NUTM1: variants seen among roughly 807,000 people sequenced by gnomAD.
NUTM1 encodes NUT family member 1.
In NUTM1, 39 loss-of-function variants were observed where a neutral mutation model predicts 88.7. The observed-to-expected ratio is 0.44, with a 90% confidence interval of 0.34 to 0.57. The LOEUF (loss-of-function observed/expected upper bound fraction) is 0.57, where lower values mean the gene tolerates loss of function less well. NUTM1 is among the 20% of genes least tolerant of loss of function. The probability of loss-of-function intolerance (pLI) is 0.01; values close to 1 mark genes in which losing one functional copy is unlikely to be tolerated. For synonymous variants in NUTM1, 494 were observed against 538.0 expected, an observed-to-expected ratio of 0.92 and a Z score of 1.13; for missense variants, 1,350 against 1,414.5, an observed-to-expected ratio of 0.95 and a Z score of 0.73.
chr15:34,349,407 TAA>T (rs2140154745), intron 3 of NUTM1, among the ~76,000 whole-genome samples: 1 of 152,330 alleles, frequency 6.6e-6, no homozygotes, highest in South Asian at 2.1e-4. Context: ...AATGTTTCAT[TAA>T]ATGTCAACTG....
chr15:34,354,480 G>A lies in NUTM1; in HGVS notation c.1110G>A (p.Arg370=). 6.2e-7 allele frequency: 1 copy of A among 1,614,120 alleles called. No individual in the cohort carries two copies. The change falls in exon 6 of 8, where the codon CGG becomes CGA. Residue 370 remains arginine (R), a synonymous_variant. Coordinates refer to ENST00000537011, the MANE Select transcript of NUTM1 (RefSeq NM_001284292.2). ...CGAAGAAGGCAGCCTCCAAGACACG[G>A]GCCCCCCGCCGGCGTCAGCGTAAAG... The part of the protein sequence containing the change: ...YIPKKAASKT[R]APRRRQRKAQ...
intron 2 of NUTM1, among the ~76,000 whole-genome samples, 169 bp from the exon 3 acceptor site, chr15:34,347,800 C>T (rs932742531): frequency 3.3e-5 from 5 of 151,856 alleles, no homozygotes; most frequent in African/African-American, 1.2e-4. Context: ...TTGCAGTGAG[C>T]CGAGATTGTG....
rs770982336 is a variant in NUTM1, at chr15:34,354,485, C to A, written c.1115C>A (p.Pro372His). The change falls in exon 6 of 8, where the codon CCC becomes CAC. Residue 372 changes from proline (P) to histidine (H), a missense_variant. Pro to His is a moderately conservative substitution (Grantham distance 77, BLOSUM62 -2). Coordinates refer to ENST00000537011, the MANE Select transcript of NUTM1 (RefSeq NM_001284292.2). Reference protein sequence around the residue: ...PKKAASKTRAPRRRQRKAQRP... With the variant: ...PKKAASKTRAHRRRQRKAQRP... ...AAGGCAGCCTCCAAGACACGGGCCC[C>A]CCGCCGGCGTCAGCGTAAAGCCCAG... 6.2e-7 allele frequency: 1 copy of A among 1,614,128 alleles called. No homozygotes were observed. The highest frequency in any genetic ancestry group is 8.5e-7 in the Non-Finnish European group (1 of 1,180,026).
rs755304945 is a variant in NUTM1, at chr15:34,355,748, G to A, written c.1740G>A (p.Arg580=). 1 of 1,614,046 alleles carries A rather than the reference G, an allele frequency of 6.2e-7. No individual in the cohort carries two copies. The highest frequency in any genetic ancestry group is 8.5e-7 in the Non-Finnish European group (1 of 1,180,032). The change falls in exon 8 of 8, where the codon AGG becomes AGA. Residue 580 remains arginine, a synonymous_variant. Transcript: ENST00000537011. This position sits in a 1 kb window ranked among gnomAD's most constrained non-coding sequence, Gnocchi z 4.3. ...QALDSPRGMH[R]DGNTLPSPSS... ...TAGATAGCCCCAGAGGGATGCACAG[G>A]GATGGGAACACTCTGCCATCCCCCA...
Position 34,353,765 on chromosome 15 carries a change from A to G in NUTM1, c.968A>G (p.Gln323Arg), listed in dbSNP as rs2140158406. The stretch of plus-strand genomic sequence containing the variant: ...ATGGAGTTTGAGGCTGAGGAGATGC[A>G]GATTCAGAACACACAGCTGATGAAT... Reference protein sequence around the residue: ...RFMEFEAEEMQIQNTQLMNGS... With the variant: ...RFMEFEAEEMRIQNTQLMNGS... Residue 323 changes from glutamine to arginine, a missense_variant, in exon 5 of 8, where the codon CAG becomes CGG. By Grantham distance (43) the Gln-to-Arg change is conservative (BLOSUM62 1). Around this residue, in one of 5 missense-constraint regions of NUTM1, gnomAD observed 6 missense variants for 21.9 expected, o/e 0.27. Coordinates refer to ENST00000537011, the MANE Select transcript of NUTM1 (RefSeq NM_001284292.2). 1.2e-6 allele frequency: 2 copies of G among 1,614,138 alleles called. No homozygotes were observed. Among genetic ancestry groups the G allele is most frequent in the East Asian group, 4.5e-5 (2 of 44,878 alleles).
chr15:34,355,902 G>C lies in NUTM1; in HGVS notation c.1894G>C (p.Ala632Pro), dbSNP rs757858077. The C allele has an allele frequency of 6.2e-7, 1 of 1,613,260 alleles. No individual in the cohort carries two copies. The highest frequency in any genetic ancestry group is 1.1e-5 in the South Asian group (1 of 91,074). Reference sequence around the variant, plus strand: ...ACATCAGGATGGCCATCTAGGAGGCGCTGGGCCTCCTGGGCACTGCCTGGT... The same window carrying C: ...ACATCAGGATGGCCATCTAGGAGGCCCTGGGCCTCCTGGGCACTGCCTGGT... Reference protein sequence around the residue: ...SLHQDGHLGGAGPPGHCLVAD... With the variant: ...SLHQDGHLGGPGPPGHCLVAD... The change falls in exon 8 of 8, where the codon GCT (alanine) becomes CCT (proline). Residue 632 changes from alanine to proline, a missense_variant. Coordinates refer to ENST00000537011, the MANE Select transcript of NUTM1 (RefSeq NM_001284292.2). The surrounding 1 kb of genome is among the most constrained non-coding windows in gnomAD (Gnocchi z 4.3).
intron 4 of NUTM1, among the ~76,000 whole-genome samples, chr15:34,351,814 C>T (rs1390436490): frequency 6.6e-6 from 1 of 151,660 alleles, no homozygotes; most frequent in African/African-American, 2.4e-5. Context: ...AAGCCAGTGT[C>T]CTGGATGCCC....
Position 34,355,353 on chromosome 15 carries a change from G to T in NUTM1, c.1480-135G>T. ...CACAAGAAGGTGGGAAAGAGCTGCA[G>T]TATCTGTCTTTGCTACCATCGCTTA... On this transcript the variant is annotated intron_variant, in intron 7 of 7. Coordinates refer to ENST00000537011, the MANE Select transcript of NUTM1 (RefSeq NM_001284292.2). The surrounding 1 kb of genome is among the most constrained non-coding windows in gnomAD (Gnocchi z 4.3). The T allele has an allele frequency of 1.2e-6, 1 of 822,698 alleles. No homozygotes were observed. The highest frequency in any genetic ancestry group is 2.0e-6 in the Non-Finnish European group (1 of 512,768). 51.0% of individuals were successfully genotyped at this position (822,698 alleles called of 1,614,324 possible). A position where few individuals can be genotyped will look rare whatever the true frequency, so the allele number is the denominator to read the frequency against.
In NUTM1 at chr15:34,353,784, G is replaced by A; in HGVS notation, c.987G>A (p.Leu329=). 6.2e-7 allele frequency: 1 copy of A among 1,614,118 alleles called. No homozygotes were observed. Among genetic ancestry groups the A allele is most frequent in the Non-Finnish European group, 8.5e-7 (1 of 1,179,976 alleles). The change falls in exon 5 of 8, where the codon CTG becomes CTA. Residue 329 remains leucine, a synonymous_variant. Transcript: ENST00000537011. ...AEEMQIQNTQ[L]MNGSQGLSPA... The stretch of plus-strand genomic sequence containing the variant: ...AGATGCAGATTCAGAACACACAGCT[G>A]ATGAATGGGTCTCAGGGCCTGTCTC...
At position 34,345,955 on chromosome 15, in the gene NUTM1, C is replaced by G. The variant is rs773972237; in HGVS notation, c.20C>G (p.Pro7Arg). The change falls in exon 2 of 8, where the codon CCT becomes CGT. Residue 7 changes from proline (P) to arginine (R), a missense_variant. This residue lies in a region of NUTM1 where 399 missense variants were observed against 397.9 expected (regional missense o/e 1.00). Transcript: ENST00000537011. Reference sequence around the variant, plus strand: ...TACTGGAGCCAGGTTACTCTGGGTCCTGGACCTGACTGCCTCATTCTGGAG... The same window carrying G: ...TACTGGAGCCAGGTTACTCTGGGTCGTGGACCTGACTGCCTCATTCTGGAG... The part of the protein sequence containing the change: MVVTLG[P>R]GPDCLILEAS... The G allele has an allele frequency of 6.2e-7, 1 of 1,614,108 alleles. No homozygotes were observed. Among genetic ancestry groups the G allele is most frequent in the Non-Finnish European group, 8.5e-7 (1 of 1,179,982 alleles).
chr15:34,356,921 T>C lies in NUTM1; in HGVS notation c.2913T>C (p.Pro971=), dbSNP rs1274628957. 1.2e-6 allele frequency: 2 copies of C among 1,613,586 alleles called. No homozygotes were observed. The highest frequency in any genetic ancestry group is 2.2e-5 in the South Asian group (2 of 91,052). ...EGRVDPDLSK[P]KNLAPLQESQ... is the part of the protein sequence containing the mutation. ...GGGTGGATCCTGATCTGTCCAAGCC[T>C]AAAAACCTTGCTCCTTTACAAGAGA... is the stretch of plus-strand genomic sequence containing the variant. The change falls in exon 8 of 8, where the codon CCT becomes CCC. Residue 971 remains proline, a synonymous_variant. Coordinates refer to ENST00000537011, the MANE Select transcript of NUTM1 (RefSeq NM_001284292.2).
At chr15:34,354,916 G>C (rs1032853764) in intron 6 of NUTM1, 105 bp from the exon 7 acceptor site, 1 of 1,025,746 alleles carries the variant, frequency 9.7e-7, no homozygotes, top group African/African-American at 1.6e-5. Flanking sequence ...AATACCGGAG[G>C]GGTAAGAGGG....
In NUTM1 at chr15:34,356,719, C is replaced by T; in HGVS notation, c.2711C>T (p.Ser904Phe). The T allele has an allele frequency of 6.2e-7, 1 of 1,613,544 alleles. No homozygotes were observed. The highest frequency in any genetic ancestry group is 8.5e-7 in the Non-Finnish European group (1 of 1,179,920). The change falls in exon 8 of 8, where the codon TCC (serine) becomes TTC (phenylalanine). Residue 904 changes from serine to phenylalanine, a missense_variant. Ser to Phe is a radical substitution (Grantham distance 155). This residue lies in a region of NUTM1 where 730 missense variants were observed against 728.8 expected (regional missense o/e 1.00). Transcript: ENST00000537011. Reference sequence around the variant, plus strand: ...ATCATGGGGACTGAGGATGCCTCCTCCTTGCCTGAAGCCAGTCAAGAGGCA... The same window carrying T: ...ATCATGGGGACTGAGGATGCCTCCTTCTTGCCTGAAGCCAGTCAAGAGGCA... ...LLIMGTEDASSLPEASQEAGS... is the reference protein window; with the variant it reads ...LLIMGTEDASFLPEASQEAGS...
chr15:34,355,430 A>G lies in NUTM1; in HGVS notation c.1480-58A>G. ...GCCCAAATACCGTCTTGTGCCACCCACTCAGCCACCTCTTTCACAACCACG... is the reference window on the plus strand; with the variant it reads ...GCCCAAATACCGTCTTGTGCCACCCGCTCAGCCACCTCTTTCACAACCACG... On this transcript the variant is annotated intron_variant, in intron 7 of 7. Transcript: ENST00000537011. This position sits in a 1 kb window ranked among gnomAD's most constrained non-coding sequence, Gnocchi z 4.3. The G allele has an allele frequency of 6.3e-7, 1 of 1,591,878 alleles. No individual in the cohort carries two copies.
chr15:34,346,497 G>T (rs1365593394), intron 2 of NUTM1, among the ~76,000 whole-genome samples: 1 of 123,418 alleles, frequency 8.1e-6, no homozygotes, highest in Non-Finnish European at 1.7e-5. Context: ...GGAGGGTAAG[G>T]TGGGAAGGAC....
At position 34,357,415 on chromosome 15, in the gene NUTM1, G is replaced by A. The variant is rs138691157; in HGVS notation, c.3407G>A (p.Arg1136Gln). 1,933 of 1,614,100 alleles carry A rather than the reference G, an allele frequency of 1.2e-3. 7 individuals are homozygous for A. The highest frequency in any genetic ancestry group is 1.4e-3 in the Non-Finnish European group (1,611 of 1,180,018). ...AAACCCCTAGCTCTGGGAGTAGTTCGACCCTCACAGCCTCGTAAAAGGCGG... is the reference window on the plus strand; with the variant it reads ...AAACCCCTAGCTCTGGGAGTAGTTCAACCCTCACAGCCTCGTAAAAGGCGG... Reference protein sequence around the residue: ...REKPLALGVVRPSQPRKRRCD... With the variant: ...REKPLALGVVQPSQPRKRRCD... Residue 1136 changes from arginine to glutamine, a missense_variant, in exon 8 of 8, where the codon CGA becomes CAA. Physicochemically the swap from Arg to Gln is conservative, Grantham distance 43. This residue lies in a region of NUTM1 where 730 missense variants were observed against 728.8 expected (regional missense o/e 1.00). Transcript: ENST00000537011.
intron 5 of NUTM1, among the ~76,000 whole-genome samples, chr15:34,354,211 C>A (rs1279706138): frequency 6.6e-6 from 1 of 152,096 alleles, no homozygotes; most frequent in African/African-American, 2.4e-5. Flanking sequence ...GATTCTTAGA[C>A]CCTCTAGGTC....
rs1192435748 is a variant in NUTM1 at position 34,355,766 on chromosome 15, A to T, written c.1758A>T (p.Pro586=). The T allele has an allele frequency of 1.2e-6, 2 of 1,614,206 alleles. No homozygotes were observed. The highest frequency in any genetic ancestry group is 2.2e-5 in the South Asian group (2 of 91,084). Reference sequence around the variant, plus strand: ...TGCACAGGGATGGGAACACTCTGCCATCCCCCAGCAGCTGGGACCTGCAGC... The same window carrying T: ...TGCACAGGGATGGGAACACTCTGCCTTCCCCCAGCAGCTGGGACCTGCAGC... ...RGMHRDGNTL[P]SPSSWDLQPE... is the part of the protein sequence containing the mutation. Residue 586 remains proline (P), a synonymous_variant, in exon 8 of 8, where the codon CCA becomes CCT. Transcript: ENST00000537011. This position sits in a 1 kb window ranked among gnomAD's most constrained non-coding sequence, Gnocchi z 4.3.
chr15:34,357,135 G>A lies in NUTM1; in HGVS notation c.3127G>A (p.Glu1043Lys), dbSNP rs149177074. 5,304 of 1,614,174 alleles carry A rather than the reference G, an allele frequency of 3.3e-3. 7 individuals carry two copies. The highest frequency in any genetic ancestry group is 4.2e-3 in the Non-Finnish European group (4,976 of 1,180,022). The change falls in exon 8 of 8, where the codon GAG becomes AAG. Residue 1043 changes from glutamate to lysine, a missense_variant. This residue lies in a region of NUTM1 where 730 missense variants were observed against 728.8 expected (regional missense o/e 1.00). Coordinates refer to ENST00000537011, the MANE Select transcript of NUTM1 (RefSeq NM_001284292.2). Reference protein sequence around the residue: ...KKKKEAEEEDEELSNFAYLLA... With the variant: ...KKKKEAEEEDKELSNFAYLLA... ...GAAAAAGGAAGCAGAGGAAGAGGAT[G>A]AGGAACTCTCCAACTTTGCTTACCT...
Sources: allele counts gnomAD v4.1 joint callset (sites outside exome capture counted in the v4.1 genomes callset), GRCh38; gene constraint gnomAD v4.1.1; regional missense constraint gnomAD v4.1.1; non-coding constraint Gnocchi (gnomAD v3.1); transcripts MANE v1.5; gene names NCBI Gene and HGNC (gene_info 2026-07-23, HGNC 2026-07-21).